The following YIPF4 variants were observed in gnomAD, a reference collection of about 807,000 sequenced individuals.
YIPF4 encodes Yip1 domain family member 4.
Under a neutral mutation model 29.4 loss-of-function variants are expected in YIPF4, and 18 were observed. That is an observed-to-expected ratio of 0.61 (90% CI 0.42 to 0.91). The LOEUF is 0.91. YIPF4 is among the 40% of genes least tolerant of loss of function. The probability of loss-of-function intolerance (pLI) is 0.00; values close to 1 mark genes in which losing one functional copy is unlikely to be tolerated. For missense variants in YIPF4, 279 were observed against 282.7 expected (o/e 0.99, Z 0.09); for synonymous variants, 115 against 104.7 (o/e 1.10, Z -0.60).
intron 1 of YIPF4, among the ~76,000 whole-genome samples, chr2:32,289,368 A>G (rs528824610): frequency 1.3e-5 from 2 of 152,196 alleles, no homozygotes; most frequent in Non-Finnish European, 2.9e-5. Flanking sequence ...CTCATAGAGT[A>G]TTGTGCAAAT....
chr2:32,297,976 A>G (rs547207774), intron 3 of YIPF4, among the ~76,000 whole-genome samples: 2 of 151,892 alleles, frequency 1.3e-5, no homozygotes, highest in African/African-American at 4.8e-5. Flanking sequence ...TTTTTGCAAT[A>G]ATCTTTTATC....
Position 32,305,628 on chromosome 2 carries a change from C to A in YIPF4, c.*2C>A. On this transcript the variant is annotated 3_prime_UTR_variant, in exon 6 of 6. Transcript: ENST00000238831. ...TTGTCGTTATATACTGGTGTGTGAT[C>A]CAAGTTATACATGAATAGAAAAAGA... 1 of 1,574,202 alleles carries A rather than the reference C, an allele frequency of 6.4e-7. No individual in the cohort carries two copies. Among genetic ancestry groups the A allele is most frequent in the South Asian group, 1.2e-5 (1 of 83,430 alleles).
In YIPF4 at chr2:32,313,018, AC is replaced by A. The variant is rs2031747715; in HGVS notation, c.*7393del. On this transcript the variant is annotated 3_prime_UTR_variant, in exon 6 of 6. Transcript: ENST00000238831. ...AAAAAAAGACCGCCCCCCCCAATAT[AC>A]ACACACCCTGACTTTAATGAGCTTA... 1 of 151,986 alleles carries A rather than the reference AC, an allele frequency of 6.6e-6. No homozygotes were observed. The highest frequency in any genetic ancestry group is 1.5e-5 in the Non-Finnish European group (1 of 68,004). 9.4% of individuals were successfully genotyped at this position (151,986 alleles called of 1,614,324 possible).
Position 32,301,414 on chromosome 2 carries a change from A to G in YIPF4, c.516A>G (p.Gly172=). ...ATGGCCAAGTCCTTGGAGTTATAGG[A>G]TATTCATTACTTCCTCTCATTGTAA... ...VAYGQVLGVI[G]YSLLPLIVIA... The change falls in exon 5 of 6, where the codon GGA becomes GGG. Residue 172 remains glycine (G), a synonymous_variant. Coordinates refer to ENST00000238831, the MANE Select transcript of YIPF4 (RefSeq NM_032312.4). The G allele has an allele frequency of 6.2e-7, 1 of 1,613,680 alleles. No individual in the cohort carries two copies. Among genetic ancestry groups the G allele is most frequent in the Middle Eastern group, 1.7e-4 (1 of 6,058 alleles).
intron 4 of YIPF4, 148 bp from the exon 5 acceptor site, chr2:32,301,234 A>G (rs886624380): frequency 8.8e-6 from 5 of 568,472 alleles, no homozygotes; most frequent in Non-Finnish European, 1.5e-5. Context: ...ACTATATGAT[A>G]TTTTGAAATA....
At chr2:32,298,099 T>C in intron 3 of YIPF4, 135 bp from the exon 4 acceptor site, 1 of 615,356 alleles carries the variant, frequency 1.6e-6, no homozygotes, top group Admixed American at 3.2e-5. Flanking sequence ...GAGTAATACC[T>C]GAGAGCCCAC....
chr2:32,290,468 C>G lies in YIPF4; in HGVS notation c.80-15C>G, dbSNP rs376754632. The G allele has an allele frequency of 2.0e-6, 3 of 1,466,686 alleles. No individual in the cohort carries two copies. The East Asian group carries it at 7.8e-5, about 38-fold the overall frequency. 90.9% of individuals were successfully genotyped at this position (1,466,686 alleles called of 1,614,324 possible). ...GTGCCTTAGTTTATATAGTTTTATC[C>G]TCTTTTCTCCTAAGATCTCAGTGGT... On this transcript the variant is annotated splice_polypyrimidine_tract_variant and intron_variant, in intron 1 of 5. Transcript: ENST00000238831.
At chr2:32,293,037 ATTATTTTTATTT>A (rs562362572) in intron 3 of YIPF4, among the ~76,000 whole-genome samples, 19 of 149,938 alleles carry the variant, frequency 1.3e-4, no homozygotes, top group Middle Eastern at 3.2e-3. Flanking sequence ...CTTTTTTTTG[ATTATTTTTATTT>A]TTATTTTTAT....
At chr2:32,280,996 T>C (rs1214606061) in intron 1 of YIPF4, among the ~76,000 whole-genome samples, 1 of 152,194 alleles carries the variant, frequency 6.6e-6, no homozygotes, top group African/African-American at 2.4e-5. Context: ...GGAATTACTT[T>C]TTTTAAATAT....
Position 32,311,195 on chromosome 2 carries a change from A to G in YIPF4, c.*5569A>G, listed in dbSNP as rs551193807. The G allele has an allele frequency of 6.6e-6, 1 of 152,328 alleles. No individual in the cohort carries two copies. The highest frequency in any genetic ancestry group is 1.9e-4 in the East Asian group (1 of 5,184). The allele number at this position is 152,328 out of a possible 1,614,324, so 9.4% of individuals were successfully genotyped here. A position where few individuals can be genotyped will look rare whatever the true frequency, so the allele number is the denominator to read the frequency against. On this transcript the variant is annotated 3_prime_UTR_variant, in exon 6 of 6. Transcript: ENST00000238831. ...AAAAATACATTCTGAAGAAAGTTCT[A>G]CTTATGAATACATTTTATTTATAAC...
At chr2:32,280,176 G>A (rs2030331814) in intron 1 of YIPF4, among the ~76,000 whole-genome samples, 1 of 151,516 alleles carries the variant, frequency 6.6e-6, no homozygotes, top group Non-Finnish European at 1.5e-5. Flanking sequence ...CACCCAGGCT[G>A]GAGTGCAGTG....
At chr2:32,282,852 G>C (rs564875411) in intron 1 of YIPF4, among the ~76,000 whole-genome samples, 1 of 151,870 alleles carries the variant, frequency 6.6e-6, no homozygotes, top group Non-Finnish European at 1.5e-5. Flanking sequence ...CGAGGTGGGC[G>C]GATCACGAGG....
chr2:32,283,172 G>A (rs1418640356), intron 1 of YIPF4, among the ~76,000 whole-genome samples: 5 of 151,200 alleles, frequency 3.3e-5, no homozygotes, highest in Non-Finnish European at 7.4e-5. Context: ...TTCAACATAT[G>A]TGAGTAATGA....
At position 32,315,612 on chromosome 2, in the gene YIPF4, G is replaced by A. The variant is rs2148971646; in HGVS notation, c.*9986G>A. The A allele has an allele frequency of 6.6e-6, 1 of 152,284 alleles. No homozygotes were observed. Among genetic ancestry groups the A allele is most frequent in the South Asian group, 2.1e-4 (1 of 4,828 alleles). The allele number at this position is 152,284 out of a possible 1,614,324, so 9.4% of individuals were successfully genotyped here. On this transcript the variant is annotated 3_prime_UTR_variant, in exon 6 of 6. Coordinates refer to ENST00000238831, the MANE Select transcript of YIPF4 (RefSeq NM_032312.4). ...AACATATAAAAAATTAGCCGGGCTTGGTGGCGGGCGCCTGTAGTCCCAGCT... is the reference window on the plus strand; with the variant it reads ...AACATATAAAAAATTAGCCGGGCTTAGTGGCGGGCGCCTGTAGTCCCAGCT...
At chr2:32,284,465 T>A (rs1285354081) in intron 1 of YIPF4, among the ~76,000 whole-genome samples, 1 of 152,184 alleles carries the variant, frequency 6.6e-6, no homozygotes. Context: ...GCTGTTCTTG[T>A]CATAGTGAGT....
rs2031566816 is a variant in YIPF4, at chr2:32,305,927, G to A, written c.*301G>A. The A allele has an allele frequency of 9.8e-7, 1 of 1,020,506 alleles. No individual in the cohort carries two copies. 63.2% of individuals were successfully genotyped at this position (1,020,506 alleles called of 1,614,324 possible). On this transcript the variant is annotated 3_prime_UTR_variant, in exon 6 of 6. Transcript: ENST00000238831. ...ATTCACCTAAAAACTTGTGCCAAAAGCACCTGGATTGGTAATTATATTTCA... is the reference window on the plus strand; with the variant it reads ...ATTCACCTAAAAACTTGTGCCAAAAACACCTGGATTGGTAATTATATTTCA...
intron 1 of YIPF4, among the ~76,000 whole-genome samples, chr2:32,287,049 A>C (rs1299971172): frequency 6.6e-6 from 1 of 152,132 alleles, no homozygotes; most frequent in African/African-American, 2.4e-5. Flanking sequence ...GTTCAGGACC[A>C]GACTGGCCAA....
rs184278858 is a variant in YIPF4 at position 32,301,919 on chromosome 2, G to T, written c.597+424G>T. ...GGGGTTTCACCATGTTGGCCAGACT[G>T]GTCTTGAACTCCTGACCTCAGGTGA... is the stretch of plus-strand genomic sequence containing the variant. On this transcript the variant is annotated intron_variant, in intron 5 of 5. Coordinates refer to ENST00000238831, the MANE Select transcript of YIPF4 (RefSeq NM_032312.4). 4.6e-5 allele frequency among the ~76,000 whole-genome samples: 7 copies of T among 152,256 alleles called. No individual in the cohort carries two copies. The East Asian group carries it at 1.4e-3, about 29-fold the overall frequency.
chr2:32,280,669 A>G (rs1423150570), intron 1 of YIPF4, among the ~76,000 whole-genome samples: 2 of 152,080 alleles, frequency 1.3e-5, no homozygotes, highest in Non-Finnish European at 2.9e-5. Context: ...GGCGTGAGCC[A>G]CCGCGCCCGG....
Sources: gnomAD v4.1 joint callset for allele counts (sites outside exome capture counted in the v4.1 genomes callset) on GRCh38, gnomAD v4.1.1 for gene constraint, MANE v1.5 for transcripts, NCBI Gene and HGNC (gene_info 2026-07-23, HGNC 2026-07-21) for gene names.